Variants in SLC9A9 observed in about 807,000 individuals in gnomAD.
SLC9A9 encodes solute carrier family 9 member A9, also known as sodium/hydrogen exchanger 9.
SLC9A9 carries 62 observed loss-of-function variants against 77.8 expected under a neutral mutation model. The ratio of observed to expected loss-of-function variants is 0.80; its 90% CI spans 0.65 to 0.98. SLC9A9 has a LOEUF of 0.98. SLC9A9 is among the 50% of genes least tolerant of loss of function. The pLI, the probability that SLC9A9 is intolerant of heterozygous loss-of-function variation, is 0.00. For synonymous variants in SLC9A9, 320 were observed against 283.5 expected (o/e 1.13, Z -1.29); for missense variants, 775 against 774.9 (o/e 1.00, Z 0.00).
intron 6 of SLC9A9, among the ~76,000 whole-genome samples, chr3:143,589,787 T>C (rs1427681516): frequency 6.6e-6 from 1 of 152,184 alleles, no homozygotes; most frequent in East Asian, 1.9e-4. Flanking sequence ...CATCATTAGA[T>C]TCAGATCTCA....
At chr3:143,690,501 C>T (rs758639582) in intron 5 of SLC9A9, among the ~76,000 whole-genome samples, 3 of 152,072 alleles carry the variant, frequency 2.0e-5, no homozygotes, top group Non-Finnish European at 2.9e-5. Flanking sequence ...GCAGGAAATA[C>T]ACAAGATAAG....
intron 4 of SLC9A9, among the ~76,000 whole-genome samples, chr3:143,783,617 T>C (rs2007952324): frequency 6.6e-6 from 1 of 152,118 alleles, no homozygotes; most frequent in Non-Finnish European, 1.5e-5. Flanking sequence ...ATGAATGTTA[T>C]AAAAATCATA....
intron 4 of SLC9A9, among the ~76,000 whole-genome samples, chr3:143,739,429 C>T (rs1233928667): frequency 6.6e-6 from 1 of 152,164 alleles, no homozygotes; most frequent in Non-Finnish European, 1.5e-5. Context: ...TTAAGACCAC[C>T]TGGCTAGAAA....
intron 9 of SLC9A9, among the ~76,000 whole-genome samples, chr3:143,498,751 A>G (rs1259831562): frequency 2.0e-4 from 30 of 152,160 alleles, no homozygotes; most frequent in Non-Finnish European, 2.9e-5. Context: ...TTTAACTACT[A>G]TTAGCACCTC....
At chr3:143,841,721 T>G (rs1368263475) in intron 1 of SLC9A9, among the ~76,000 whole-genome samples, 1 of 149,612 alleles carries the variant, frequency 6.7e-6, no homozygotes. Context: ...GTTTATTCAT[T>G]TATTTAGTTT....
chr3:143,419,798 G>A (rs1186030757), intron 12 of SLC9A9, among the ~76,000 whole-genome samples: 1 of 152,162 alleles, frequency 6.6e-6, no homozygotes, highest in Non-Finnish European at 1.5e-5. Flanking sequence ...TACAAAAAGG[G>A]AAAGAACAGG....
At chr3:143,545,218 TATCC>T (rs926936332) in intron 9 of SLC9A9, among the ~76,000 whole-genome samples, 2 of 152,168 alleles carry the variant, frequency 1.3e-5, no homozygotes, top group African/African-American at 4.8e-5. Context: ...TGCGTGACAA[TATCC>T]TAATTAACTC....
chr3:143,389,192 T>C (rs554836898), intron 12 of SLC9A9, among the ~76,000 whole-genome samples: 9 of 152,284 alleles, frequency 5.9e-5, no homozygotes, highest in African/African-American at 2.2e-4. Context: ...ATTTATGTTT[T>C]AGAAAGATCA....
At chr3:143,342,947 T>C (rs980257469) in intron 14 of SLC9A9, among the ~76,000 whole-genome samples, 1 of 152,246 alleles carries the variant, frequency 6.6e-6, no homozygotes, top group Non-Finnish European at 1.5e-5. Flanking sequence ...CCTCAAATGC[T>C]AGATGATATA....
chr3:143,341,668 ATT>A (rs920103156), intron 14 of SLC9A9, among the ~76,000 whole-genome samples: 7 of 152,210 alleles, frequency 4.6e-5, no homozygotes, highest in African/African-American at 1.2e-4. Context: ...ATAAATTAAA[ATT>A]TTGTTTACCA....
At chr3:143,454,447 T>G (rs192190352) in intron 12 of SLC9A9, among the ~76,000 whole-genome samples, 13 of 152,274 alleles carry the variant, frequency 8.5e-5, no homozygotes, top group African/African-American at 3.1e-4. Flanking sequence ...TTCTCGAAGT[T>G]TTATAGTTTT....
At chr3:143,751,154 G>T (rs956095102) in intron 4 of SLC9A9, among the ~76,000 whole-genome samples, 1 of 152,174 alleles carries the variant, frequency 6.6e-6, no homozygotes, top group Admixed American at 6.5e-5. Context: ...ATTGCAGGGC[G>T]AGTCAAGAGT....
At chr3:143,581,168 A>G (rs542386186) in intron 6 of SLC9A9, among the ~76,000 whole-genome samples, 3 of 152,344 alleles carry the variant, frequency 2.0e-5, no homozygotes, top group Non-Finnish European at 2.9e-5. Flanking sequence ...GTAGCATGTC[A>G]TCAGACAGAG....
At chr3:143,333,890 C>G (rs182522147) in intron 14 of SLC9A9, among the ~76,000 whole-genome samples, 250 of 144,982 alleles carry the variant, frequency 1.7e-3, no homozygotes, top group African/African-American at 6.5e-3. Flanking sequence ...TTGTGGAGCC[C>G]CAGGATTTCT....
At chr3:143,269,003 C>T (rs1461588747) in intron 14 of SLC9A9, 23 bp from the exon 15 acceptor site, 5 of 1,525,510 alleles carry the variant, frequency 3.3e-6, no homozygotes, top group South Asian at 2.2e-5. Flanking sequence ...TTAAGGAATA[C>T]TTGTCAACAG....
chr3:143,611,936 A>G (rs6803829), intron 6 of SLC9A9, among the ~76,000 whole-genome samples: 1,897 of 152,280 alleles, frequency 0.012, 41 homozygotes, highest in African/African-American at 0.044. Context: ...GGGTCTCACT[A>G]TGTTGCCCAG....
chr3:143,835,704 G>T (rs985063942), intron 1 of SLC9A9, among the ~76,000 whole-genome samples: 1 of 152,208 alleles, frequency 6.6e-6, no homozygotes, highest in African/African-American at 2.4e-5. Flanking sequence ...CTTGTTCACA[G>T]AAGAAGGAAA....
At chr3:143,795,192 GT>G (rs1560083006) in intron 3 of SLC9A9, 115 bp from the exon 4 acceptor site, 4 of 754,500 alleles carry the variant, frequency 5.3e-6, no homozygotes, top group Non-Finnish European at 6.2e-6. Context: ...GCAAATTTTG[GT>G]TTTGGAGCCT....
At chr3:143,602,180 A>G (rs561954146) in intron 6 of SLC9A9, among the ~76,000 whole-genome samples, 10 of 152,336 alleles carry the variant, frequency 6.6e-5, no homozygotes, top group African/African-American at 1.9e-4. Flanking sequence ...ATCAGCCAAG[A>G]GTTAGAGGCG....
Sources: allele counts gnomAD v4.1 joint callset (sites outside exome capture counted in the v4.1 genomes callset), GRCh38; gene constraint gnomAD v4.1.1; transcripts MANE v1.5; gene names NCBI Gene and HGNC (gene_info 2026-07-23, HGNC 2026-07-21).